Variants in DGKB observed in about 807,000 individuals in gnomAD.
DGKB encodes 90 kDa diacylglycerol kinase.
A neutral mutation model predicts 114.3 loss-of-function variants in DGKB; 67 were observed. The observed-to-expected ratio is 0.59, with a 90% CI of 0.48 to 0.72. The LOEUF is 0.72. Ranked by LOEUF, DGKB falls within the 30% of genes least tolerant of loss-of-function variation. The pLI is 0.00. For synonymous variants in DGKB, 398 were observed against 323.1 expected (o/e 1.23, Z -2.49); for missense variants, 907 against 975.2 (o/e 0.93, Z 0.93).
chr7:14,780,009 T>C (rs1245633283), intron 2 of DGKB, among the ~76,000 whole-genome samples: 1 of 152,180 alleles, frequency 6.6e-6, no homozygotes, highest in Non-Finnish European at 1.5e-5. Flanking sequence ...CTATATTTAA[T>C]TTTGTTGCTG....
intron 20 of DGKB, among the ~76,000 whole-genome samples, chr7:14,554,772 A>G (rs1449587387): frequency 6.6e-6 from 1 of 152,134 alleles, no homozygotes; most frequent in African/African-American, 2.4e-5. Flanking sequence ...GCATAATTTT[A>G]TCGTTCATTG....
chr7:14,892,180 C>T (rs1418208037), intron 1 of DGKB, among the ~76,000 whole-genome samples: 1 of 151,282 alleles, frequency 6.6e-6, no homozygotes, highest in Admixed American at 6.6e-5. Context: ...GCAATGTTAT[C>T]ACTTAGTGTA....
intron 21 of DGKB, among the ~76,000 whole-genome samples, chr7:14,439,357 C>T (rs1379849849): frequency 1.3e-5 from 2 of 151,988 alleles, no homozygotes; most frequent in Non-Finnish European, 2.9e-5. Flanking sequence ...AAAGTCTTTG[C>T]TTGAATAACG....
chr7:14,414,860 T>C (rs982006950), intron 21 of DGKB, among the ~76,000 whole-genome samples: 2 of 152,234 alleles, frequency 1.3e-5, no homozygotes, highest in African/African-American at 4.8e-5. Flanking sequence ...TTTGACATTA[T>C]TCCCTGTGTA....
At chr7:14,441,733 G>A (rs558807167) in intron 21 of DGKB, among the ~76,000 whole-genome samples, 4 of 151,986 alleles carry the variant, frequency 2.6e-5, no homozygotes, top group South Asian at 2.1e-4. Context: ...TATGTGTCTG[G>A]TTTGCTAAAG....
At chr7:14,868,223 GCTATGGTA>G in intron 1 of DGKB, among the ~76,000 whole-genome samples, 1 of 152,088 alleles carries the variant, frequency 6.6e-6, no homozygotes, top group East Asian at 1.9e-4. Context: ...AGAGGCAGCA[GCTATGGTA>G]CACATTCTTC....
chr7:14,546,151 T>C (rs866858435), intron 20 of DGKB, among the ~76,000 whole-genome samples: 7 of 152,218 alleles, frequency 4.6e-5, no homozygotes, highest in Admixed American at 2.0e-4. Flanking sequence ...ATGATACTTA[T>C]GTGATTCACA....
At chr7:14,812,981 A>G (rs985392384) in intron 2 of DGKB, among the ~76,000 whole-genome samples, 2 of 152,150 alleles carry the variant, frequency 1.3e-5, no homozygotes, top group Admixed American at 6.6e-5. Context: ...AGAACACATG[A>G]TCCAAACCAA....
At chr7:14,230,953 A>T (rs1791629990) in intron 23 of DGKB, among the ~76,000 whole-genome samples, 5 of 152,070 alleles carry the variant, frequency 3.3e-5, no homozygotes, top group African/African-American at 1.2e-4. Context: ...TTACTATGTT[A>T]TAATTTGTGT....
chr7:14,456,168 T>C (rs1221158816), intron 21 of DGKB, among the ~76,000 whole-genome samples: 3 of 152,066 alleles, frequency 2.0e-5, no homozygotes, highest in South Asian at 4.1e-4. Context: ...ATAAGGTATA[T>C]ATGAAACATA....
intron 4 of DGKB, among the ~76,000 whole-genome samples, chr7:14,746,973 A>T (rs1026629301): frequency 1.3e-5 from 2 of 152,196 alleles, no homozygotes; most frequent in African/African-American, 4.8e-5. Context: ...TCCTTTGAAA[A>T]ATAAAAGCCT....
chr7:14,909,785 T>A (rs1783890995), intron 1 of DGKB, among the ~76,000 whole-genome samples: 1 of 152,218 alleles, frequency 6.6e-6, no homozygotes, highest in African/African-American at 2.4e-5. Context: ...TAGTTTTTTT[T>A]ATAAAACATT....
chr7:14,893,901 C>G (rs1356924352), intron 1 of DGKB, among the ~76,000 whole-genome samples: 4 of 151,302 alleles, frequency 2.6e-5, no homozygotes, highest in Non-Finnish European at 5.9e-5. Flanking sequence ...GTGTCTTCCT[C>G]CAAATCCCAG....
chr7:14,277,504 G>A (rs1287926879), intron 23 of DGKB, among the ~76,000 whole-genome samples: 1 of 152,110 alleles, frequency 6.6e-6, no homozygotes, highest in Non-Finnish European at 1.5e-5. Context: ...CCACATACAT[G>A]TGAAATAATG....
chr7:14,225,441 G>T (rs1276406884), intron 23 of DGKB, among the ~76,000 whole-genome samples: 1 of 152,042 alleles, frequency 6.6e-6, no homozygotes, highest in East Asian at 1.9e-4. Flanking sequence ...CATGTAGAGA[G>T]ACTTAAACAC....
intron 21 of DGKB, among the ~76,000 whole-genome samples, chr7:14,394,462 T>G (rs570567960): frequency 6.6e-6 from 1 of 152,302 alleles, no homozygotes; most frequent in African/African-American, 2.4e-5. Flanking sequence ...ATATTTTTGT[T>G]CTTTTGCTCA....
At chr7:14,865,545 C>T (rs970947625) in intron 1 of DGKB, among the ~76,000 whole-genome samples, 2 of 152,212 alleles carry the variant, frequency 1.3e-5, no homozygotes, top group Admixed American at 6.5e-5. Flanking sequence ...GTAGTAGTGG[C>T]TTCCTGCTGT....
rs375523112 is a variant in DGKB, at chr7:14,194,803, T to C, written c.2123-16652A>G. On this transcript the variant is annotated intron_variant, in intron 23 of 25. Coordinates refer to ENST00000402815, the MANE Select transcript of DGKB (RefSeq NM_001350709.2). ...GAAAACAACCAGCCGGAGCTGACTA[T>C]AACTTTGTTTTTATGCTAAAATTCT... Among the ~76,000 whole-genome samples, 10 of 152,224 alleles carry C rather than the reference T, an allele frequency of 6.6e-5. No homozygotes were observed. In the East Asian group the frequency reaches 1.2e-3, roughly 18 times the overall value.
intron 17 of DGKB, among the ~76,000 whole-genome samples, chr7:14,592,395 T>C (rs1801856484): frequency 6.6e-6 from 1 of 151,960 alleles, no homozygotes; most frequent in Non-Finnish European, 1.5e-5. Flanking sequence ...GAAAGAAGCA[T>C]ACTTATCTCT....
Sources: allele counts gnomAD v4.1 joint callset (sites outside exome capture counted in the v4.1 genomes callset), GRCh38; gene constraint gnomAD v4.1.1; transcripts MANE v1.5; gene names NCBI Gene and HGNC (gene_info 2026-07-23, HGNC 2026-07-21).